CDKAL1: variants seen among roughly 807,000 people sequenced by gnomAD.
The protein encoded by CDKAL1 is threonylcarbamoyladenosine tRNA methylthiotransferase.
Under a neutral mutation model 68.2 loss-of-function variants are expected in CDKAL1, and 32 were observed. That is an observed-to-expected ratio of 0.47 (90% CI 0.35 to 0.63). The LOEUF is 0.63. Among genes scored for constraint, CDKAL1 ranks in the 30% least tolerant of loss-of-function variants. CDKAL1 has a pLI of 0.00. For missense variants in CDKAL1, 606 were observed against 696.7 expected (o/e 0.87, Z 1.47); for synonymous variants, 234 against 244.3 (o/e 0.96, Z 0.39).
At chr6:21,145,760 C>T (rs1292733129) in intron 13 of CDKAL1, among the ~76,000 whole-genome samples, 1 of 152,140 alleles carries the variant, frequency 6.6e-6, no homozygotes, top group Non-Finnish European at 1.5e-5. Context: ...ATTCACCGGG[C>T]CTGGTGGCAT....
intron 9 of CDKAL1, among the ~76,000 whole-genome samples, chr6:20,906,992 A>G (rs943887318): frequency 1.3e-5 from 2 of 152,258 alleles, no homozygotes; most frequent in Non-Finnish European, 2.9e-5. Flanking sequence ...ATACATACAC[A>G]TTATAACACA....
At chr6:20,715,618 G>T in intron 5 of CDKAL1, among the ~76,000 whole-genome samples, 1 of 152,070 alleles carries the variant, frequency 6.6e-6, no homozygotes, top group Non-Finnish European at 1.5e-5. Context: ...TTTAATTTCT[G>T]TGGGCACCTC....
chr6:20,852,593 A>G (rs1041530420), intron 9 of CDKAL1, among the ~76,000 whole-genome samples: 5 of 152,220 alleles, frequency 3.3e-5, no homozygotes, highest in Admixed American at 1.3e-4. Context: ...CTAAATAGCT[A>G]TTTATCAGAT....
At chr6:21,033,059 C>T (rs1243011922) in intron 11 of CDKAL1, among the ~76,000 whole-genome samples, 1 of 152,100 alleles carries the variant, frequency 6.6e-6, no homozygotes, top group Non-Finnish European at 1.5e-5. Context: ...ACCAACAAAG[C>T]ACGTTCGTTT....
At chr6:21,052,382 C>T (rs1486576724) in intron 11 of CDKAL1, among the ~76,000 whole-genome samples, 1 of 151,886 alleles carries the variant, frequency 6.6e-6, no homozygotes, top group African/African-American at 2.4e-5. Context: ...GGAGTCTAGC[C>T]CTGTCACCCA....
intron 9 of CDKAL1, among the ~76,000 whole-genome samples, chr6:20,855,776 A>G (rs1327308152): frequency 6.6e-6 from 1 of 152,220 alleles, no homozygotes; most frequent in African/African-American, 2.4e-5. Context: ...TATTAGTACA[A>G]TAGTACATGA....
chr6:21,137,050 C>A (rs1167967467), intron 13 of CDKAL1, among the ~76,000 whole-genome samples: 1 of 152,024 alleles, frequency 6.6e-6, no homozygotes, highest in Admixed American at 6.5e-5. Context: ...AAGTGTCCCA[C>A]CCCACACCCT....
At chr6:20,894,391 C>CTTTTTT (rs5874793) in intron 9 of CDKAL1, among the ~76,000 whole-genome samples, 4 of 124,056 alleles carry the variant, frequency 3.2e-5, no homozygotes, top group Admixed American at 8.4e-5. Flanking sequence ...ACCCCACATA[C>CTTTTTT]TTTTTTTTTT....
rs534840654 is a variant in CDKAL1, at chr6:20,680,825, C to CTT, written c.371+31449_371+31450dup. Among the ~76,000 whole-genome samples the CTT allele has an allele frequency of 1.5e-3, 226 of 152,324 alleles. 2 individuals are homozygous for CTT. The highest frequency in any genetic ancestry group is 5.1e-3 in the African/African-American group (212 of 41,576). On this transcript the variant is annotated intron_variant, in intron 5 of 15. Transcript: ENST00000274695. ...TGAAAAATATAATCTAACAATGATG[C>CTT]TTCTGTTCAGCAAGGCAAGGAATTT...
intron 5 of CDKAL1, among the ~76,000 whole-genome samples, chr6:20,702,155 C>G (rs1358920115): frequency 6.6e-6 from 1 of 152,190 alleles, no homozygotes; most frequent in Non-Finnish European, 1.5e-5. Context: ...GTCCCCCTCG[C>G]AGGGCGTGTG....
intron 11 of CDKAL1, among the ~76,000 whole-genome samples, chr6:21,039,549 AT>A (rs1769793216): frequency 6.6e-6 from 1 of 152,188 alleles, no homozygotes; most frequent in Non-Finnish European, 1.5e-5. Flanking sequence ...CAGGATAAAA[AT>A]TATCACCTTG....
chr6:20,634,631 C>T (rs1267895445), intron 4 of CDKAL1, among the ~76,000 whole-genome samples: 3 of 152,080 alleles, frequency 2.0e-5, no homozygotes, highest in Non-Finnish European at 4.4e-5. Context: ...AGATAAAATA[C>T]ATTGGGAATT....
chr6:20,804,877 C>G (rs1776503277), intron 8 of CDKAL1, among the ~76,000 whole-genome samples: 1 of 152,130 alleles, frequency 6.6e-6, no homozygotes, highest in African/African-American at 2.4e-5. Context: ...TGCTAGTCTA[C>G]TGTTTTGATA....
At chr6:21,114,543 G>A (rs1045314520) in intron 13 of CDKAL1, among the ~76,000 whole-genome samples, 1 of 151,990 alleles carries the variant, frequency 6.6e-6, no homozygotes, top group African/African-American at 2.4e-5. Flanking sequence ...GACCAGCCTG[G>A]ACAACGTAAG....
intron 9 of CDKAL1, among the ~76,000 whole-genome samples, chr6:20,884,328 A>AC (rs1161535106): frequency 6.6e-6 from 1 of 152,160 alleles, no homozygotes; most frequent in Non-Finnish European, 1.5e-5. Flanking sequence ...CACTAAAAAA[A>AC]CCCTATAAGT....
chr6:20,940,964 C>T (rs1313755440), intron 9 of CDKAL1, among the ~76,000 whole-genome samples: 1 of 152,018 alleles, frequency 6.6e-6, no homozygotes, highest in Non-Finnish European at 1.5e-5. Flanking sequence ...GTGGTGGGCG[C>T]CTGTAGTCCC....
chr6:21,227,267 T>C (rs908813984), intron 15 of CDKAL1, among the ~76,000 whole-genome samples: 3 of 152,212 alleles, frequency 2.0e-5, no homozygotes, highest in African/African-American at 7.2e-5. Context: ...TTTCAACTGG[T>C]ATGGTTGTAC....
At chr6:21,190,152 A>C (rs1289056213) in intron 13 of CDKAL1, among the ~76,000 whole-genome samples, 1 of 152,066 alleles carries the variant, frequency 6.6e-6, no homozygotes, top group Non-Finnish European at 1.5e-5. Context: ...AACTAATTTG[A>C]CTGGAGCTAA....
chr6:20,956,536 A>C (rs1375378398), intron 10 of CDKAL1, among the ~76,000 whole-genome samples: 1 of 152,256 alleles, frequency 6.6e-6, no homozygotes, highest in Non-Finnish European at 1.5e-5. Flanking sequence ...AAGCATGAAA[A>C]TGAATAACTT....
Sources: allele counts gnomAD v4.1 joint callset (sites outside exome capture counted in the v4.1 genomes callset), GRCh38; gene constraint gnomAD v4.1.1; transcripts MANE v1.5; gene names NCBI Gene and HGNC (gene_info 2026-07-23, HGNC 2026-07-21).